PARD3B: variants seen among roughly 807,000 people sequenced by gnomAD.
PARD3B encodes the protein par-3 family cell polarity regulator beta.
Under a neutral mutation model 130.2 loss-of-function variants are expected in PARD3B, and 103 were observed. That is an observed-to-expected ratio of 0.79 (90% CI 0.67 to 0.93). The LOEUF is 0.93. Ranked by LOEUF, PARD3B falls within the 40% of genes least tolerant of loss-of-function variation. The probability of loss-of-function intolerance (pLI) is 0.00; values close to 1 mark genes in which losing one functional copy is unlikely to be tolerated. For synonymous variants in PARD3B, 583 were observed against 553.2 expected, an observed-to-expected ratio of 1.05 and a Z score of -0.76; for missense variants, 1,609 against 1,499.2, an observed-to-expected ratio of 1.07 and a Z score of -1.21.
At chr2:204,882,200 C>A (rs192035439) in intron 2 of PARD3B, among the ~76,000 whole-genome samples, 2 of 152,272 alleles carry the variant, frequency 1.3e-5, no homozygotes, top group East Asian at 3.9e-4. Context: ...TTTCTAAATT[C>A]CCCATATTTA....
intron 20 of PARD3B, among the ~76,000 whole-genome samples, chr2:205,442,817 A>T (rs1008363581): frequency 1.3e-5 from 2 of 152,182 alleles, no homozygotes; most frequent in African/African-American, 4.8e-5. Context: ...TGATAATCTT[A>T]ACTGCAGCCA....
In PARD3B at chr2:204,705,246, C is replaced by T. The variant is rs553044648; in HGVS notation, c.222+18964C>T. On this transcript the variant is annotated intron_variant, in intron 2 of 22. Coordinates refer to ENST00000406610, the MANE Select transcript of PARD3B (RefSeq NM_001302769.2). The stretch of plus-strand genomic sequence containing the variant: ...TAGGGCACTGGTGATATGAGGGAAA[C>T]GTGAAAGACAAGGGTCTCCCTTCAT... Among the ~76,000 whole-genome samples, 8 of 152,228 alleles carry T rather than the reference C, an allele frequency of 5.3e-5. No homozygotes were observed. The South Asian group carries it at 6.2e-4, about 12-fold the overall frequency.
chr2:205,290,647 T>A (rs979807121), intron 16 of PARD3B, among the ~76,000 whole-genome samples: 5 of 152,210 alleles, frequency 3.3e-5, no homozygotes, highest in Admixed American at 1.3e-4. Flanking sequence ...AGCCATTTCA[T>A]CAGTCAAACA....
chr2:204,618,698 GC>G (rs1248652143), intron 1 of PARD3B, among the ~76,000 whole-genome samples: 2 of 152,184 alleles, frequency 1.3e-5, no homozygotes, highest in Non-Finnish European at 2.9e-5. Flanking sequence ...AATTAAGGCA[GC>G]CAGAGTTGCT....
rs1244087380 is a variant in PARD3B, at chr2:205,301,980, G to A, written c.2630+279G>A. ...TGCCTGTAATCTCAGTACTTTGGGA[G>A]GCTGGGAGGATTGCTTGAGCCCAAG... On this transcript the variant is annotated intron_variant, in intron 18 of 22. Transcript: ENST00000406610. This position sits in a 1 kb window ranked among gnomAD's most constrained non-coding sequence, Gnocchi z 5.2. The A allele has an allele frequency of 1.5e-6, 1 of 685,068 alleles. No individual in the cohort carries two copies. Among genetic ancestry groups the A allele is most frequent in the Non-Finnish European group, 2.7e-6 (1 of 375,332 alleles). The allele number at this position is 685,068 out of a possible 1,614,324, so 42.4% of individuals were successfully genotyped here.
intron 4 of PARD3B, among the ~76,000 whole-genome samples, chr2:205,061,736 A>G (rs191359530): frequency 1.9e-4 from 29 of 152,016 alleles, no homozygotes; most frequent in African/African-American, 6.7e-4. Flanking sequence ...AAAGTCGAGC[A>G]TTAAATGCAT....
chr2:204,935,304 C>A (rs560693016), intron 2 of PARD3B, among the ~76,000 whole-genome samples: 2 of 149,936 alleles, frequency 1.3e-5, no homozygotes, highest in African/African-American at 4.9e-5. Flanking sequence ...CCAAGGCGGG[C>A]GGATCACAAG....
intron 1 of PARD3B, among the ~76,000 whole-genome samples, chr2:204,636,489 T>TGC (rs1491203629): frequency 7.1e-6 from 1 of 140,960 alleles, no homozygotes; most frequent in African/African-American, 2.5e-5. Context: ...TGTGTGTGTG[T>TGC]GCAGTTATTC....
chr2:204,646,622 T>C (rs1464426934), intron 1 of PARD3B, among the ~76,000 whole-genome samples: 2 of 152,040 alleles, frequency 1.3e-5, no homozygotes, highest in African/African-American at 4.8e-5. Context: ...ATACATTATC[T>C]TCCTTAATTT....
rs1001075630 is a variant in PARD3B, at chr2:204,995,242, C to T, written c.394+29919C>T. ...ACTGGTTGTTCCTTTCCATGTTTAG[C>T]GCTTCCTTCAGGAGCTCTTTTAGGG... On this transcript the variant is annotated intron_variant, in intron 3 of 22. Transcript: ENST00000406610. Among the ~76,000 whole-genome samples, 45 of 151,996 alleles carry T rather than the reference C, an allele frequency of 3.0e-4. 1 individual carries two copies. The highest frequency in any genetic ancestry group is 2.0e-4 in the Admixed American group (3 of 15,254).
intron 3 of PARD3B, among the ~76,000 whole-genome samples, chr2:204,982,065 A>T (rs1692714429): frequency 6.6e-6 from 1 of 152,166 alleles, no homozygotes; most frequent in South Asian, 2.1e-4. Flanking sequence ...CTACAAAAAG[A>T]CAACTTCTGG....
intron 2 of PARD3B, among the ~76,000 whole-genome samples, chr2:204,774,596 A>C (rs138619457): frequency 3.4e-4 from 51 of 152,206 alleles, no homozygotes; most frequent in African/African-American, 1.2e-3. Context: ...ACCTGTCTCT[A>C]GTGTCTTCTC....
intron 2 of PARD3B, among the ~76,000 whole-genome samples, chr2:204,825,979 T>A (rs1391795272): frequency 6.6e-6 from 1 of 152,172 alleles, no homozygotes; most frequent in Non-Finnish European, 1.5e-5. Flanking sequence ...AGGCTCAACC[T>A]CCTTCGTAGA....
chr2:204,827,676 G>A (rs1045337811), intron 2 of PARD3B, among the ~76,000 whole-genome samples: 5 of 152,256 alleles, frequency 3.3e-5, no homozygotes, highest in Non-Finnish European at 5.9e-5. Flanking sequence ...GCTTTTGCTC[G>A]AAAATCTGTC....
intron 1 of PARD3B, among the ~76,000 whole-genome samples, chr2:204,608,058 T>G (rs1419697813): frequency 6.6e-6 from 1 of 152,154 alleles, no homozygotes; most frequent in East Asian, 1.9e-4. Context: ...AAGGAGAAGT[T>G]TGCAAGATGG....
intron 2 of PARD3B, among the ~76,000 whole-genome samples, chr2:204,790,981 T>G (rs961095254): frequency 1.3e-5 from 2 of 152,064 alleles, no homozygotes; most frequent in Non-Finnish European, 2.9e-5. Context: ...GGTGCATGCC[T>G]GTAATTCCAG....
chr2:204,828,011 A>G (rs893726532), intron 2 of PARD3B, among the ~76,000 whole-genome samples: 3 of 148,516 alleles, frequency 2.0e-5, no homozygotes, highest in East Asian at 2.0e-4. Context: ...AGCCTAATCA[A>G]TCCAGTTCAA....
intron 1 of PARD3B, among the ~76,000 whole-genome samples, chr2:204,547,718 T>C (rs1479325040): frequency 6.6e-6 from 1 of 152,240 alleles, no homozygotes; most frequent in East Asian, 1.9e-4. Context: ...AAATAATTTA[T>C]GCCCTCAAAT....
At chr2:205,028,550 A>G (rs1299312637) in intron 3 of PARD3B, among the ~76,000 whole-genome samples, 1 of 152,134 alleles carries the variant, frequency 6.6e-6, no homozygotes, top group Admixed American at 6.6e-5. Context: ...TAGTCGACAG[A>G]TGGGAGTCTT....
Sources: allele counts gnomAD v4.1 joint callset (sites outside exome capture counted in the v4.1 genomes callset), GRCh38; gene constraint gnomAD v4.1.1; non-coding constraint Gnocchi (gnomAD v3.1); transcripts MANE v1.5; gene names NCBI Gene and HGNC (gene_info 2026-07-23, HGNC 2026-07-21).